Variants in TRPC4 observed in about 807,000 individuals in gnomAD.
TRPC4 encodes the protein transient receptor potential cation channel subfamily C member 4.
Under a neutral mutation model 99.4 loss-of-function variants are expected in TRPC4, and 49 were observed. The observed-to-expected ratio is 0.49, with a 90% CI of 0.39 to 0.63. The LOEUF is 0.63. TRPC4 is among the 20% of genes least tolerant of loss of function. The probability of loss-of-function intolerance (pLI) is 0.00; values close to 1 mark genes in which losing one functional copy is unlikely to be tolerated. For synonymous variants in TRPC4, 454 were observed against 425.9 expected (o/e 1.07, Z -0.81); for missense variants, 898 against 1,152.9 (o/e 0.78, Z 3.20).
intron 2 of TRPC4, among the ~76,000 whole-genome samples, chr13:37,764,464 G>A (rs1166782234): frequency 1.4e-5 from 2 of 147,852 alleles, no homozygotes; most frequent in African/African-American, 5.1e-5. Flanking sequence ...TTTCATATTG[G>A]TTACAATAAT....
intron 1 of TRPC4, among the ~76,000 whole-genome samples, chr13:37,824,054 C>T (rs1038964008): frequency 2.2e-4 from 32 of 142,446 alleles, no homozygotes; most frequent in Non-Finnish European, 3.6e-4. Context: ...GGAGTTCCCT[C>T]ATGATTTGGC....
At chr13:37,763,638 A>G (rs1956283308) in intron 2 of TRPC4, among the ~76,000 whole-genome samples, 1 of 151,654 alleles carries the variant, frequency 6.6e-6, no homozygotes, top group South Asian at 2.1e-4. Context: ...ACAAGCATAC[A>G]ATAGGCAGAG....
At chr13:37,697,210 G>C (rs1261083451) in intron 3 of TRPC4, among the ~76,000 whole-genome samples, 1 of 152,118 alleles carries the variant, frequency 6.6e-6, no homozygotes, top group Non-Finnish European at 1.5e-5. Flanking sequence ...GATAAGTGAG[G>C]GGAGTGCCAT....
chr13:37,636,886 G>T lies in TRPC4; in HGVS notation c.*17C>A, dbSNP rs754584868. The T allele has an allele frequency of 6.3e-7, 1 of 1,598,928 alleles. No homozygotes were observed. The highest frequency in any genetic ancestry group is 1.1e-5 in the South Asian group (1 of 88,614). On this transcript the variant is annotated 3_prime_UTR_variant, in exon 11 of 11. Transcript: ENST00000379705. ...GAAAATACGTATGTGTATGGTAAACGCTTCCTCCTTCAAGTATCACAATCT... is the reference window on the plus strand; with the variant it reads ...GAAAATACGTATGTGTATGGTAAACTCTTCCTCCTTCAAGTATCACAATCT...
intron 7 of TRPC4, among the ~76,000 whole-genome samples, chr13:37,653,749 A>T (rs1300916103): frequency 6.6e-6 from 1 of 152,170 alleles, no homozygotes; most frequent in East Asian, 1.9e-4. Context: ...TTTCTCCTTG[A>T]TGAAATTGGG....
intron 1 of TRPC4, among the ~76,000 whole-genome samples, chr13:37,794,661 T>C (rs1957203010): frequency 6.6e-6 from 1 of 152,194 alleles, no homozygotes; most frequent in Non-Finnish European, 1.5e-5. Context: ...CAACAAACCA[T>C]GTGACCTTGA....
chr13:37,726,396 T>A (rs1955059495), intron 3 of TRPC4, among the ~76,000 whole-genome samples: 1 of 152,150 alleles, frequency 6.6e-6, no homozygotes, highest in Non-Finnish European at 1.5e-5. Flanking sequence ...TGTGTGTTAT[T>A]GAAGTTAAGA....
chr13:37,837,014 CA>C (rs1191589628), intron 1 of TRPC4, among the ~76,000 whole-genome samples: 2 of 152,318 alleles, frequency 1.3e-5, no homozygotes, highest in East Asian at 3.9e-4. Flanking sequence ...ACATAGAGCT[CA>C]GGCCATGGCT....
At chr13:37,835,359 A>G (rs967747378) in intron 1 of TRPC4, among the ~76,000 whole-genome samples, 6 of 152,184 alleles carry the variant, frequency 3.9e-5, no homozygotes, top group Admixed American at 3.9e-4. Context: ...TCTCTCTGGT[A>G]TTAATGGTTC....
intron 3 of TRPC4, among the ~76,000 whole-genome samples, chr13:37,709,009 C>G (rs2138974555): frequency 6.6e-6 from 1 of 152,016 alleles, no homozygotes; most frequent in African/African-American, 2.4e-5. Context: ...CATATCTGTA[C>G]AATTTATAGG....
At chr13:37,736,196 G>C (rs1955388553) in intron 3 of TRPC4, among the ~76,000 whole-genome samples, 3 of 152,150 alleles carry the variant, frequency 2.0e-5, no homozygotes, top group African/African-American at 7.2e-5. Context: ...CAGAGTGGCA[G>C]GCACTGAAAG....
rs544928124 is a variant in TRPC4 at position 37,782,695 on chromosome 13, C to G, written c.378+261G>C. 1.3e-4 allele frequency among the ~76,000 whole-genome samples: 20 copies of G among 152,076 alleles called. 1 individual carries two copies. In the South Asian group the frequency reaches 4.2e-3, roughly 32 times the overall value. ...ATGTTTCCAATTTATGAGCAGTCTA[C>G]TTAAATTACTTTATTTTGCTTTAGC... On this transcript the variant is annotated intron_variant, in intron 2 of 10. Transcript: ENST00000379705.
At chr13:37,810,919 T>C (rs985425100) in intron 1 of TRPC4, among the ~76,000 whole-genome samples, 2 of 152,092 alleles carry the variant, frequency 1.3e-5, no homozygotes. Flanking sequence ...ATTTTAGTTA[T>C]AGCACATGTT....
intron 1 of TRPC4, among the ~76,000 whole-genome samples, chr13:37,806,484 C>G (rs1382670730): frequency 6.6e-6 from 1 of 151,910 alleles, no homozygotes; most frequent in Non-Finnish European, 1.5e-5. Flanking sequence ...TTACTATTTC[C>G]CAAGGACCTT....
At chr13:37,855,908 G>GTT (rs958255974) in intron 1 of TRPC4, among the ~76,000 whole-genome samples, 1 of 151,786 alleles carries the variant, frequency 6.6e-6, no homozygotes, top group African/African-American at 2.4e-5. Flanking sequence ...GTTTATAGCT[G>GTT]TAAGTGCCTA....
chr13:37,806,842 G>A (rs973668835), intron 1 of TRPC4, among the ~76,000 whole-genome samples: 4 of 151,968 alleles, frequency 2.6e-5, no homozygotes, highest in African/African-American at 9.7e-5. Flanking sequence ...AACATAAGCT[G>A]TAGTGCCTCT....
intron 2 of TRPC4, among the ~76,000 whole-genome samples, chr13:37,764,813 C>CT (rs71096806): frequency 0.049 from 6,366 of 129,296 alleles, 425 homozygotes; most frequent in African/African-American, 0.16. Flanking sequence ...TTATCAAATG[C>CT]TTTTTTTTTT....
intron 2 of TRPC4, among the ~76,000 whole-genome samples, chr13:37,748,604 G>A (rs1228529438): frequency 2.6e-5 from 4 of 151,016 alleles, no homozygotes; most frequent in Non-Finnish European, 4.4e-5. Flanking sequence ...CATTGCATTG[G>A]TTTGTTGAAT....
At chr13:37,745,511 T>C (rs548831743) in intron 3 of TRPC4, among the ~76,000 whole-genome samples, 34 of 120,652 alleles carry the variant, frequency 2.8e-4, no homozygotes, top group African/African-American at 1.1e-3. Flanking sequence ...TATATATGTA[T>C]ATATATACGT....
Sources: gnomAD v4.1 joint callset for allele counts (sites outside exome capture counted in the v4.1 genomes callset) on GRCh38, gnomAD v4.1.1 for gene constraint, MANE v1.5 for transcripts, NCBI Gene and HGNC (gene_info 2026-07-23, HGNC 2026-07-21) for gene names.